DMD: variants seen among roughly 807,000 people sequenced by gnomAD.
DMD encodes mutant dystrophin.
DMD carries 63 observed loss-of-function variants against 330.1 expected under a neutral mutation model. The ratio of observed to expected loss-of-function variants is 0.19; its 90% CI spans 0.16 to 0.24. The LOEUF (loss-of-function observed/expected upper bound fraction) is 0.24, where lower values mean the gene tolerates loss of function less well. Ranked by LOEUF, DMD falls within the 10% of genes least tolerant of loss-of-function variation. The pLI is 1.00. For missense variants in DMD, 3,344 were observed against 2,684.1 expected, an observed-to-expected ratio of 1.25 and a Z score of -5.43; for synonymous variants, 1,223 against 959.8, an observed-to-expected ratio of 1.27 and a Z score of -5.07.
At chrX:32,344,000 T>G (rs1030163614) in intron 39 of DMD, among the ~76,000 whole-genome samples, 3 of 111,777 alleles carry the variant, frequency 2.7e-5, no homozygotes, top group African/African-American at 9.7e-5. Context: ...CAATTAACTA[T>G]TTGAAAAAAG....
intron 30 of DMD, among the ~76,000 whole-genome samples, chrX:32,409,932 C>A (rs1266870197): frequency 2.7e-5 from 3 of 111,670 alleles, no homozygotes; most frequent in Non-Finnish European, 1.9e-5. Flanking sequence ...TTGATCATTA[C>A]ACTTTCTATA....
intron 42 of DMD, among the ~76,000 whole-genome samples, chrX:32,292,087 ACTTTCTCTC>A (rs1342722074): frequency 3.1e-4 from 34 of 110,010 alleles, no homozygotes; most frequent in African/African-American, 1.1e-3. Context: ...TGTCTCTCTC[ACTTTCTCTC>A]CTCCTGATAC....
intron 50 of DMD, among the ~76,000 whole-genome samples, chrX:31,792,961 A>G (rs986830111): frequency 1.8e-5 from 2 of 111,534 alleles, no homozygotes; most frequent in African/African-American, 6.5e-5. Flanking sequence ...ATGAGGTCAC[A>G]TGAACAAATT....
At chrX:31,884,004 G>T (rs1320262932) in intron 47 of DMD, among the ~76,000 whole-genome samples, 3 of 111,344 alleles carry the variant, frequency 2.7e-5, no homozygotes, top group African/African-American at 9.8e-5. Context: ...AAAAGTGTTG[G>T]CCAGAATGTG....
At chrX:31,641,858 G>C (rs2079785751) in intron 54 of DMD, among the ~76,000 whole-genome samples, 1 of 111,616 alleles carries the variant, frequency 9.0e-6, no homozygotes, top group Non-Finnish European at 1.9e-5. Flanking sequence ...CATCTATTAT[G>C]TATAATATCA....
Position 32,545,178 on chromosome X carries a change from C to A in DMD, c.2149G>T (p.Asp717Tyr), listed in dbSNP as rs1569169444. ...PPQKKRQITV[D>Y]SEIRKRLDVD... Reference sequence around the variant, plus strand: ...TCTCACCTTTTCCTAATTTCAGAATCCACAGTAATCTGCCTCTTCTTTTGG... The same window carrying A: ...TCTCACCTTTTCCTAATTTCAGAATACACAGTAATCTGCCTCTTCTTTTGG... Residue 717 changes from aspartate (D) to tyrosine (Y), a missense_variant, in exon 17 of 79, where the codon GAT becomes TAT. Transcript: ENST00000357033. 1.7e-6 allele frequency: 2 copies of A among 1,210,742 alleles called. No individual in the cohort carries two copies. Among genetic ancestry groups the A allele is most frequent in the East Asian group, 5.9e-5 (2 of 33,817 alleles).
At chrX:32,399,807 C>T (rs1269754796) in intron 30 of DMD, among the ~76,000 whole-genome samples, 1 of 111,770 alleles carries the variant, frequency 8.9e-6, no homozygotes, top group Non-Finnish European at 1.9e-5. Flanking sequence ...GCACTGTTCA[C>T]AAAAGTCAAG....
chrX:32,709,196 TA>T (rs1228430658), intron 7 of DMD, among the ~76,000 whole-genome samples: 1 of 111,840 alleles, frequency 8.9e-6, no homozygotes, highest in African/African-American at 3.3e-5. Context: ...GGATGTCAAG[TA>T]ATTTCCAATG....
At chrX:31,934,136 GGA>G (rs1233313295) in intron 45 of DMD, among the ~76,000 whole-genome samples, 8 of 111,731 alleles carry the variant, frequency 7.2e-5, no homozygotes, top group African/African-American at 2.3e-4. Flanking sequence ...TATTATAGGA[GGA>G]GAAGTTATTT....
intron 42 of DMD, among the ~76,000 whole-genome samples, chrX:32,309,356 A>G (rs1182067206): frequency 9.0e-6 from 1 of 111,331 alleles, no homozygotes; most frequent in African/African-American, 3.3e-5. Flanking sequence ...TGGGTATACT[A>G]TAATATTTCA....
intron 61 of DMD, among the ~76,000 whole-genome samples, chrX:31,336,797 G>C: frequency 8.9e-6 from 1 of 112,121 alleles, no homozygotes; most frequent in Non-Finnish European, 1.9e-5. Flanking sequence ...AGTAGAAGGT[G>C]TTAGGTGGAG....
intron 2 of DMD, among the ~76,000 whole-genome samples, chrX:32,880,673 A>C (rs2083848655): frequency 8.9e-6 from 1 of 112,969 alleles, no homozygotes; most frequent in African/African-American, 3.2e-5. Context: ...GGCTAGGCGC[A>C]GTGGCTCACG....
At chrX:32,878,571 A>C (rs780193526) in intron 2 of DMD, among the ~76,000 whole-genome samples, 162 of 111,335 alleles carry the variant, frequency 1.5e-3, no homozygotes, top group Non-Finnish European at 2.6e-3. Flanking sequence ...ATACTACAGT[A>C]TCTGTATTAC....
intron 18 of DMD, among the ~76,000 whole-genome samples, chrX:32,505,244 C>T (rs1376244577): frequency 8.9e-6 from 1 of 111,822 alleles, no homozygotes; most frequent in African/African-American, 3.3e-5. Context: ...GCCACAGGCT[C>T]AAAGAAAATA....
At chrX:32,509,722 C>T (rs972771024) in intron 18 of DMD, among the ~76,000 whole-genome samples, 1 of 111,853 alleles carries the variant, frequency 8.9e-6, no homozygotes. Flanking sequence ...TTTGGCTTCA[C>T]GTACTACTTG....
intron 55 of DMD, among the ~76,000 whole-genome samples, chrX:31,556,294 G>A (rs1245287329): frequency 9.9e-6 from 1 of 101,003 alleles, no homozygotes; most frequent in Admixed American, 1.1e-4. Flanking sequence ...GTGAACCCAG[G>A]AGGTGGAGCT....
chrX:31,574,127 T>A (rs1461377038), intron 55 of DMD, among the ~76,000 whole-genome samples: 1 of 105,380 alleles, frequency 9.5e-6, no homozygotes, highest in Non-Finnish European at 1.9e-5. Context: ...CAAAGGATGA[T>A]CTGTTTGTTT....
intron 76 of DMD, among the ~76,000 whole-genome samples, chrX:31,143,311 G>T (rs1226294392): frequency 9.1e-6 from 1 of 110,329 alleles, no homozygotes. Flanking sequence ...AGATCTGATG[G>T]TTTAAAAGTG....
chrX:32,320,920 C>T (rs1265082639), intron 41 of DMD, among the ~76,000 whole-genome samples: 1 of 111,360 alleles, frequency 9.0e-6, no homozygotes, highest in African/African-American at 3.3e-5. Flanking sequence ...ACTAAAATGT[C>T]ACAAGGTGAA....
Sources: gnomAD v4.1 joint callset for allele counts (sites outside exome capture counted in the v4.1 genomes callset) on GRCh38, gnomAD v4.1.1 for gene constraint, MANE v1.5 for transcripts, NCBI Gene and HGNC (gene_info 2026-07-23, HGNC 2026-07-21) for gene names.